Variants in COL6A3 observed in about 807,000 individuals in gnomAD.
COL6A3 encodes the protein collagen alpha-3(VI) chain.
COL6A3 carries 137 observed loss-of-function variants against 274.1 expected under a neutral mutation model. The ratio of observed to expected loss-of-function variants is 0.50; its 90% CI spans 0.44 to 0.58. COL6A3 has a LOEUF of 0.58. Among genes scored for constraint, COL6A3 ranks in the 20% least tolerant of loss-of-function variants. COL6A3 has a pLI of 0.00. For synonymous variants in COL6A3, 1,650 were observed against 1,650.6 expected (o/e 1.00, Z 0.01); for missense variants, 3,950 against 4,124.9 (o/e 0.96, Z 1.16).
chr2:237,406,503 G>A (rs1295081792), intron 1 of COL6A3, among the ~76,000 whole-genome samples: 1 of 152,092 alleles, frequency 6.6e-6, no homozygotes, highest in Non-Finnish European at 1.5e-5. Flanking sequence ...GACCACAGTG[G>A]GAGAGCCGTG....
rs1474226360 is a variant in COL6A3 at position 237,374,532 on chromosome 2, C to T, written c.3559G>A (p.Ala1187Thr). The change falls in exon 8 of 44, where the codon GCC (alanine) becomes ACC (threonine). Residue 1187 changes from alanine to threonine, a missense_variant. Coordinates refer to ENST00000295550, the MANE Select transcript of COL6A3 (RefSeq NM_004369.4). This position sits in a 1 kb window ranked among gnomAD's most constrained non-coding sequence, Gnocchi z 4.8. ...CCCAGCTGGCGAAAGGTGGGAATGGCCACGGCAAAGTCCGGGATGAAGGAG... is the reference window on the plus strand; with the variant it reads ...CCCAGCTGGCGAAAGGTGGGAATGGTCACGGCAAAGTCCGGGATGAAGGAG... ...TISFIPDFAV[A>T]IPTFRQLGTV... 2 of 1,614,096 alleles carry T rather than the reference C, an allele frequency of 1.2e-6. No individual in the cohort carries two copies. Among genetic ancestry groups the T allele is most frequent in the East Asian group, 2.2e-5 (1 of 44,878 alleles).
chr2:237,379,296 G>A lies in COL6A3; in HGVS notation c.1898-61C>T, dbSNP rs190975082. ...ACAACCACGGAGAGTTTTATCATGTGTGCCTACAACACGTGCACACATGCC... is the reference window on the plus strand; with the variant it reads ...ACAACCACGGAGAGTTTTATCATGTATGCCTACAACACGTGCACACATGCC... On this transcript the variant is annotated intron_variant, in intron 5 of 43. Coordinates refer to ENST00000295550, the MANE Select transcript of COL6A3 (RefSeq NM_004369.4). The A allele has an allele frequency of 2.8e-3, 4,571 of 1,605,358 alleles. 14 individuals are homozygous for A. Among genetic ancestry groups the A allele is most frequent in the Non-Finnish European group, 3.3e-3 (3,822 of 1,172,394 alleles).
intron 42 of COL6A3, chr2:237,327,925 G>A (rs950948350): frequency 2.0e-5 from 3 of 151,944 alleles, no homozygotes; most frequent in Admixed American, 1.3e-4. Flanking sequence ...TCCCTAGAAC[G>A]ACACGTCTTT....
intron 1 of COL6A3, among the ~76,000 whole-genome samples, chr2:237,398,365 C>T (rs1052012451): frequency 3.3e-5 from 5 of 152,196 alleles, no homozygotes; most frequent in South Asian, 2.1e-4. Flanking sequence ...CAGTAGCGTG[C>T]GCCATCAGAC....
Position 237,407,545 on chromosome 2 carries a change from G to A in COL6A3, c.-31+6408C>T, listed in dbSNP as rs568417084. ...TGAATGAGAGCACCTGTAAGAATAT[G>A]CCGACCTGCAGCCAGGCTTAGGCCA... On this transcript the variant is annotated intron_variant, in intron 1 of 43. Coordinates refer to ENST00000295550, the MANE Select transcript of COL6A3 (RefSeq NM_004369.4). This position sits in a 1 kb window ranked among gnomAD's most constrained non-coding sequence, Gnocchi z 4.3. 8.5e-5 allele frequency among the ~76,000 whole-genome samples: 13 copies of A among 152,320 alleles called. No homozygotes were observed. The South Asian group carries it at 2.7e-3, about 32-fold the overall frequency.
At chr2:237,350,069 T>C (rs112857080) in intron 28 of COL6A3, 78 bp downstream of exon 28, 3 of 1,337,998 alleles carry the variant, frequency 2.2e-6, no homozygotes, top group Admixed American at 1.7e-5. Context: ...CATCTTTATT[T>C]GGAACCCTCT....
chr2:237,353,691 G>A (rs952248043), intron 24 of COL6A3, among the ~76,000 whole-genome samples: 5 of 152,098 alleles, frequency 3.3e-5, no homozygotes, highest in African/African-American at 7.2e-5. Context: ...CCGAGACACC[G>A]GGAAGTTGCG....
At chr2:237,389,658 A>G (rs1473905451) in intron 3 of COL6A3, among the ~76,000 whole-genome samples, 4 of 152,342 alleles carry the variant, frequency 2.6e-5, no homozygotes, top group South Asian at 2.1e-4. Context: ...GAACTGAAAC[A>G]GAGATTGCCA....
rs1254913699 is a variant in COL6A3, at chr2:237,413,058, G to T, written c.-31+895C>A. Among the ~76,000 whole-genome samples the T allele has an allele frequency of 6.6e-6, 1 of 152,116 alleles. No individual in the cohort carries two copies. The highest frequency in any genetic ancestry group is 1.5e-5 in the Non-Finnish European group (1 of 68,002). On this transcript the variant is annotated intron_variant, in intron 1 of 43. Coordinates refer to ENST00000295550, the MANE Select transcript of COL6A3 (RefSeq NM_004369.4). This position sits in a 1 kb window ranked among gnomAD's most constrained non-coding sequence, Gnocchi z 4.0. Reference sequence around the variant, plus strand: ...CAACATAGTAGGCCCCTTGAAACAGGTTCCCCAAACAGGCTGGCCACTGTC... The same window carrying T: ...CAACATAGTAGGCCCCTTGAAACAGTTTCCCCAAACAGGCTGGCCACTGTC...
intron 30 of COL6A3, 32 bp downstream of exon 30, chr2:237,348,317 T>C: frequency 1.3e-6 from 2 of 1,590,228 alleles, no homozygotes; most frequent in Non-Finnish European, 1.7e-6. Context: ...CCCAAAATCA[T>C]GATGATGCTT....
rs746208987 is a variant in COL6A3 at position 237,340,542 on chromosome 2, C to T, written c.8374G>A (p.Asp2792Asn). The change falls in exon 38 of 44, where the codon GAC becomes AAC. Residue 2792 changes from aspartate (D) to asparagine (N), a missense_variant. Asp to Asn is a conservative substitution (Grantham distance 23). Coordinates refer to ENST00000295550, the MANE Select transcript of COL6A3 (RefSeq NM_004369.4). ...TTGTCCACTAATTTGAAGAAGACGTCGTTTGGCTCACTGGCGAAGGTGTAT... is the reference window on the plus strand; with the variant it reads ...TTGTCCACTAATTTGAAGAAGACGTTGTTTGGCTCACTGGCGAAGGTGTAT... The part of the protein sequence containing the change: ...EVYTFASEPN[D>N]VFFKLVDKST... 8.7e-6 allele frequency: 14 copies of T among 1,614,058 alleles called. No homozygotes were observed. Among genetic ancestry groups the T allele is most frequent in the East Asian group, 6.7e-5 (3 of 44,890 alleles).
At chr2:237,334,921 A>C in intron 40 of COL6A3, 32 bp from the exon 41 acceptor site, 2 of 1,613,538 alleles carry the variant, frequency 1.2e-6, no homozygotes, top group Non-Finnish European at 1.7e-6. Flanking sequence ...GAAGATAAAA[A>C]ATAAAATCCT....
At chr2:237,346,292 C>A (rs1427098350) in intron 32 of COL6A3, among the ~76,000 whole-genome samples, 1 of 152,240 alleles carries the variant, frequency 6.6e-6, no homozygotes, top group Non-Finnish European at 1.5e-5. Flanking sequence ...GACAGGATAT[C>A]CCATGAAACC....
At position 237,374,713 on chromosome 2, in the gene COL6A3, G is replaced by A; in HGVS notation, c.3378C>T (p.Ser1126=). 4 of 1,613,296 alleles carry A rather than the reference G, an allele frequency of 2.5e-6. No homozygotes were observed. The highest frequency in any genetic ancestry group is 3.4e-6 in the Non-Finnish European group (4 of 1,179,400). The change falls in exon 8 of 44, where the codon AGC becomes AGT. Residue 1126 remains serine (S), a synonymous_variant. Coordinates refer to ENST00000295550, the MANE Select transcript of COL6A3 (RefSeq NM_004369.4). This position sits in a 1 kb window ranked among gnomAD's most constrained non-coding sequence, Gnocchi z 4.8. The part of the protein sequence containing the change: ...LRNILVSSAG[S]RITEGVPQLL... ...GCTGGGGCACACCTTCTGTTATCCT[G>A]CTTCCCGCAGAGCTGACCAGGATGT...
rs886055808 is a variant in COL6A3, at chr2:237,372,222, G to A, written c.3795C>T (p.Gly1265=). The change falls in exon 9 of 44, where the codon GGC becomes GGT. Residue 1265 remains glycine (G), a synonymous_variant. Transcript: ENST00000295550. ...IERLVDYLDV[G]FDTTRVAVIQ... ...TGACAGCCACCCGGGTGGTGTCAAA[G>A]CCCACGTCCAGGTAGTCAACCAGCC... 6.2e-7 allele frequency: 1 copy of A among 1,613,980 alleles called. No individual in the cohort carries two copies. Among genetic ancestry groups the A allele is most frequent in the Non-Finnish European group, 8.5e-7 (1 of 1,180,044 alleles).
At chr2:237,359,452 G>T (rs184626444) in intron 17 of COL6A3, 64 bp from the exon 18 acceptor site, 16 of 1,559,256 alleles carry the variant, frequency 1.0e-5, no homozygotes, top group Non-Finnish European at 1.4e-5. Context: ...TCGGGCAGAA[G>T]AGGCCAAGGG....
chr2:237,401,527 G>A (rs1559287717), intron 1 of COL6A3, among the ~76,000 whole-genome samples: 1 of 152,052 alleles, frequency 6.6e-6, no homozygotes, highest in Non-Finnish European at 1.5e-5. Context: ...TAAACAAAGA[G>A]TCTTCCAGGA....
At chr2:237,385,174 A>G (rs1463598907) in intron 4 of COL6A3, among the ~76,000 whole-genome samples, 6 of 152,090 alleles carry the variant, frequency 3.9e-5, no homozygotes, top group Non-Finnish European at 8.8e-5. Context: ...CCTGGTCACT[A>G]GTTTATATTA....
At position 237,379,106 on chromosome 2, in the gene COL6A3, A is replaced by C. The variant is rs771749492; in HGVS notation, c.2027T>G (p.Ile676Ser). ...ACTAAATTGCACTAAACCAACACGA[A>C]TATTGTCATTTCCAATATCAAGGCT... ...VNSLDIGNDN[I>S]RVGLVQFSDT... is the part of the protein sequence containing the mutation. Residue 676 changes from isoleucine (I) to serine (S), a missense_variant, in exon 6 of 44, where the codon ATT becomes AGT. Physicochemically the swap from Ile to Ser is moderately radical, Grantham distance 142 (BLOSUM62 -2). Coordinates refer to ENST00000295550, the MANE Select transcript of COL6A3 (RefSeq NM_004369.4). 2.5e-6 allele frequency: 4 copies of C among 1,614,260 alleles called. No homozygotes were observed. The South Asian group carries it at 3.3e-5, about 13-fold the overall frequency.
Sources: gnomAD v4.1 joint callset for allele counts (sites outside exome capture counted in the v4.1 genomes callset) on GRCh38, gnomAD v4.1.1 for gene constraint, Gnocchi (gnomAD v3.1) non-coding constraint, MANE v1.5 for transcripts, NCBI Gene and HGNC (gene_info 2026-07-23, HGNC 2026-07-21) for gene names.